Variants in NELL1 observed in about 807,000 individuals in gnomAD.
The protein encoded by NELL1 is neural EGFL like 1, also known as protein kinase C-binding protein NELL1.
Under a neutral mutation model 107.4 loss-of-function variants are expected in NELL1, and 76 were observed. The ratio of observed to expected loss-of-function variants is 0.71; its 90% confidence interval spans 0.59 to 0.86. The LOEUF is 0.86. NELL1 is among the 40% of genes least tolerant of loss of function. The probability of loss-of-function intolerance (pLI) is 0.00; values close to 1 mark genes in which losing one functional copy is unlikely to be tolerated. For synonymous variants in NELL1, 353 were observed against 341.2 expected (o/e 1.03, Z -0.38); for missense variants, 1,024 against 1,005.5 (o/e 1.02, Z -0.25).
rs371781882 is a variant in NELL1 at position 21,364,177 on chromosome 11, G to A, written c.1550-6676G>A. Reference sequence around the variant, plus strand: ...TGTAATCCCAGCACTTTGGGAGGCCGAGGTGGGTGGATCACAAGGTCAGGA... The same window carrying A: ...TGTAATCCCAGCACTTTGGGAGGCCAAGGTGGGTGGATCACAAGGTCAGGA... On this transcript the variant is annotated intron_variant, in intron 14 of 19. Transcript: ENST00000357134. Among the ~76,000 whole-genome samples the A allele has an allele frequency of 3.3e-5, 5 of 151,992 alleles. No homozygotes were observed. The South Asian group carries it at 6.2e-4, about 19-fold the overall frequency.
At chr11:21,349,701 C>CTTTA (rs1315268493) in intron 14 of NELL1, among the ~76,000 whole-genome samples, 1 of 151,730 alleles carries the variant, frequency 6.6e-6, no homozygotes, top group African/African-American at 2.4e-5. Context: ...ATAGAGAGAC[C>CTTTA]TTTATATCTT....
intron 17 of NELL1, among the ~76,000 whole-genome samples, chr11:21,564,242 G>A (rs565361404): frequency 6.6e-6 from 1 of 151,956 alleles, no homozygotes; most frequent in Non-Finnish European, 1.5e-5. Context: ...GTTCAGAGGA[G>A]TAAAGATGAA....
At chr11:20,995,273 G>T (rs1003251205) in intron 12 of NELL1, among the ~76,000 whole-genome samples, 6 of 152,080 alleles carry the variant, frequency 3.9e-5, no homozygotes, top group African/African-American at 1.4e-4. Context: ...CTAAGAGTTA[G>T]AAGAAGCAAT....
At chr11:21,457,742 A>G (rs1853783413) in intron 15 of NELL1, among the ~76,000 whole-genome samples, 1 of 152,206 alleles carries the variant, frequency 6.6e-6, no homozygotes, top group Non-Finnish European at 1.5e-5. Context: ...ATTAATGCAG[A>G]TTAAATAATC....
intron 2 of NELL1, among the ~76,000 whole-genome samples, chr11:20,680,790 G>T (rs2133853737): frequency 6.6e-6 from 1 of 152,170 alleles, no homozygotes; most frequent in African/African-American, 2.4e-5. Context: ...TAATCAGCTT[G>T]TTTCCTGCCT....
At chr11:21,274,666 G>A (rs11517801) in intron 14 of NELL1, among the ~76,000 whole-genome samples, 35,404 of 151,994 alleles carry the variant, frequency 0.23, 5,068 homozygotes, top group Middle Eastern at 0.36. Flanking sequence ...ACTCCTCAGC[G>A]AATGTAAAAG....
At chr11:20,795,945 C>T (rs1329388908) in intron 3 of NELL1, among the ~76,000 whole-genome samples, 1 of 152,116 alleles carries the variant, frequency 6.6e-6, no homozygotes, top group Non-Finnish European at 1.5e-5. Context: ...CTTTAATTTA[C>T]CTCAGACTCA....
intron 16 of NELL1, among the ~76,000 whole-genome samples, chr11:21,541,780 G>A (rs993207233): frequency 1.1e-4 from 17 of 152,038 alleles, no homozygotes; most frequent in African/African-American, 4.1e-4. Context: ...ACTTACAATG[G>A]AACTTTTTCT....
chr11:20,885,581 C>T (rs1057328861), intron 5 of NELL1, 41 bp downstream of exon 5: 14 of 1,197,038 alleles, frequency 1.2e-5, no homozygotes, highest in Middle Eastern at 3.8e-4. Flanking sequence ...TATATATAGG[C>T]GATGCTCAGT....
At chr11:21,063,805 C>T (rs781258796) in intron 12 of NELL1, among the ~76,000 whole-genome samples, 5 of 152,192 alleles carry the variant, frequency 3.3e-5, no homozygotes, top group Admixed American at 1.3e-4. Flanking sequence ...ACCTTACATT[C>T]CAGCAGGTGA....
chr11:21,357,745 C>A (rs1171741464), intron 14 of NELL1, among the ~76,000 whole-genome samples: 1 of 152,176 alleles, frequency 6.6e-6, no homozygotes, highest in African/African-American at 2.4e-5. Context: ...AAGAGTTTTA[C>A]TGATGTTATC....
intron 12 of NELL1, among the ~76,000 whole-genome samples, chr11:20,970,833 G>T (rs144061610): frequency 1.3e-5 from 2 of 152,016 alleles, no homozygotes; most frequent in East Asian, 3.9e-4. Flanking sequence ...TAGGATGCTG[G>T]TATCACAGTG....
intron 13 of NELL1, among the ~76,000 whole-genome samples, chr11:21,128,562 A>G (rs574856964): frequency 2.6e-4 from 39 of 152,268 alleles, no homozygotes; most frequent in African/African-American, 9.1e-4. Context: ...AATCATCAAA[A>G]TCTTTAGTAT....
intron 13 of NELL1, among the ~76,000 whole-genome samples, chr11:21,212,761 C>T (rs1264397590): frequency 3.9e-5 from 6 of 152,152 alleles, no homozygotes; most frequent in Non-Finnish European, 7.4e-5. Context: ...CATTATACTT[C>T]GTGGTGAAAG....
chr11:20,754,296 G>A (rs114261218), intron 2 of NELL1, among the ~76,000 whole-genome samples: 1,857 of 152,322 alleles, frequency 0.012, 35 homozygotes, highest in African/African-American at 0.042. Flanking sequence ...ACAGTTAAAT[G>A]TGAGCGTGTT....
chr11:20,905,818 A>T (rs2134139143), intron 5 of NELL1, among the ~76,000 whole-genome samples: 1 of 152,292 alleles, frequency 6.6e-6, no homozygotes, highest in East Asian at 1.9e-4. Context: ...AGACTAATGT[A>T]TGCACCGGGG....
At chr11:21,159,024 C>T (rs371846108) in intron 13 of NELL1, among the ~76,000 whole-genome samples, 38 of 152,084 alleles carry the variant, frequency 2.5e-4, no homozygotes, top group African/African-American at 8.2e-4. Context: ...CTTTTGATCT[C>T]GTGTTTCAGT....
At chr11:21,405,664 CT>C (rs1013220000) in intron 15 of NELL1, among the ~76,000 whole-genome samples, 4 of 151,996 alleles carry the variant, frequency 2.6e-5, no homozygotes, top group African/African-American at 9.7e-5. Context: ...ATTCTTGGAA[CT>C]AATCCTTTCC....
chr11:21,424,654 C>T (rs1000109600), intron 15 of NELL1, among the ~76,000 whole-genome samples: 1 of 151,738 alleles, frequency 6.6e-6, no homozygotes. Context: ...AAAACAAAAA[C>T]AAAAAAATGA....
Sources: gnomAD v4.1 joint callset for allele counts (sites outside exome capture counted in the v4.1 genomes callset) on GRCh38, gnomAD v4.1.1 for gene constraint, MANE v1.5 for transcripts, NCBI Gene and HGNC (gene_info 2026-07-23, HGNC 2026-07-21) for gene names.